The following CTNNA3 variants were observed in gnomAD, a reference collection of about 807,000 sequenced individuals.
CTNNA3 encodes the protein catenin alpha-3.
In CTNNA3, 76 loss-of-function variants were observed where a neutral mutation model predicts 95.7. That is an observed-to-expected ratio of 0.79 (90% CI 0.66 to 0.96). The LOEUF is 0.96. Ranked by LOEUF, CTNNA3 falls within the 40% of genes least tolerant of loss-of-function variation. CTNNA3 has a pLI of 0.00. For synonymous variants in CTNNA3, 431 were observed against 374.4 expected (o/e 1.15, Z -1.74); for missense variants, 1,191 against 1,089.8 (o/e 1.09, Z -1.31).
chr10:67,257,974 A>G (rs1866430654), intron 5 of CTNNA3, among the ~76,000 whole-genome samples: 3 of 152,218 alleles, frequency 2.0e-5, no homozygotes, highest in African/African-American at 7.2e-5. Context: ...TCATGAAATC[A>G]TTTATACTCC....
intron 5 of CTNNA3, among the ~76,000 whole-genome samples, chr10:67,333,392 G>A (rs1325778608): frequency 1.3e-5 from 2 of 152,058 alleles, no homozygotes; most frequent in African/African-American, 4.8e-5. Flanking sequence ...CAGTTACATT[G>A]GGATGCTAAG....
rs142835568 is a variant in CTNNA3, at chr10:66,827,495, G to C, written c.1048-51971C>G. Among the ~76,000 whole-genome samples the C allele has an allele frequency of 4.1e-3, 619 of 152,096 alleles. 5 individuals carry two copies. Among genetic ancestry groups the C allele is most frequent in the African/African-American group, 0.014 (560 of 41,450 alleles). On this transcript the variant is annotated intron_variant, in intron 7 of 17. Transcript: ENST00000433211. The stretch of plus-strand genomic sequence containing the variant: ...TTTATACCCAGCACATAGTAATATT[G>C]TCCTGCTATGCAATATAGTGGAAAA...
At chr10:66,446,735 T>A (rs1374395506) in intron 11 of CTNNA3, among the ~76,000 whole-genome samples, 2 of 151,758 alleles carry the variant, frequency 1.3e-5, no homozygotes, top group African/African-American at 2.4e-5. Flanking sequence ...ATGGGCAAAA[T>A]CTGGAAGCAT....
intron 13 of CTNNA3, among the ~76,000 whole-genome samples, chr10:66,184,160 G>A (rs1162279344): frequency 6.6e-6 from 1 of 151,970 alleles, no homozygotes; most frequent in African/African-American, 2.4e-5. Flanking sequence ...TTAGCTGGGC[G>A]CGGGGGTGGG....
chr10:66,385,491 C>A (rs562673314), intron 11 of CTNNA3, among the ~76,000 whole-genome samples: 1 of 152,268 alleles, frequency 6.6e-6, no homozygotes, highest in South Asian at 2.1e-4. Flanking sequence ...GAAGGATTCA[C>A]AGCCAAATTC....
intron 7 of CTNNA3, among the ~76,000 whole-genome samples, chr10:66,848,321 T>C (rs1843354335): frequency 6.6e-6 from 1 of 152,236 alleles, no homozygotes; most frequent in Admixed American, 6.5e-5. Context: ...TATAAGCATC[T>C]TTTAATTTGA....
At chr10:67,335,750 A>G (rs2620928) in intron 5 of CTNNA3, among the ~76,000 whole-genome samples, 115,178 of 152,178 alleles carry the variant, frequency 0.76, 45,839 homozygotes, top group Non-Finnish European at 0.88. Context: ...AGGTAAAGTT[A>G]GTTTTATTAC....
chr10:66,036,328 G>A (rs374805397), intron 15 of CTNNA3, among the ~76,000 whole-genome samples: 8 of 152,058 alleles, frequency 5.3e-5, no homozygotes, highest in African/African-American at 1.4e-4. Flanking sequence ...TCTAGACGGC[G>A]AAAACCATGC....
At chr10:66,593,884 C>G (rs914654719) in intron 10 of CTNNA3, among the ~76,000 whole-genome samples, 34 of 152,060 alleles carry the variant, frequency 2.2e-4, no homozygotes, top group Admixed American at 2.0e-3. Context: ...GAATTTTGAA[C>G]TAGGCCTCAT....
intron 9 of CTNNA3, among the ~76,000 whole-genome samples, chr10:66,705,413 T>C (rs1177342535): frequency 6.6e-6 from 1 of 151,990 alleles, no homozygotes; most frequent in African/African-American, 2.4e-5. Flanking sequence ...TTTTGAAAAA[T>C]AATTGTATAT....
At position 66,112,728 on chromosome 10, in the gene CTNNA3, C is replaced by A. The variant is rs140566099; in HGVS notation, c.1885-9479G>T. On this transcript the variant is annotated intron_variant, in intron 13 of 17. Transcript: ENST00000433211. Reference sequence around the variant, plus strand: ...TATAAGGCAAATCATGCAGTATTTGCCTTTCTGCTAATGGCTTACTTCACT... The same window carrying A: ...TATAAGGCAAATCATGCAGTATTTGACTTTCTGCTAATGGCTTACTTCACT... Among the ~76,000 whole-genome samples the A allele has an allele frequency of 2.9e-3, 442 of 152,168 alleles. 5 individuals are homozygous for A. Among genetic ancestry groups the A allele is most frequent in the African/African-American group, 9.6e-3 (399 of 41,532 alleles).
intron 13 of CTNNA3, among the ~76,000 whole-genome samples, chr10:66,142,549 T>G (rs2083673534): frequency 6.6e-6 from 1 of 152,104 alleles, no homozygotes; most frequent in Non-Finnish European, 1.5e-5. Context: ...TTTCTGAGAT[T>G]TTGATTGGGA....
chr10:66,367,246 C>A (rs1476116355), intron 12 of CTNNA3, among the ~76,000 whole-genome samples: 1 of 152,076 alleles, frequency 6.6e-6, no homozygotes, highest in Non-Finnish European at 1.5e-5. Flanking sequence ...ACTCTTGGTA[C>A]CAACAAGGTG....
intron 1 of CTNNA3, among the ~76,000 whole-genome samples, chr10:67,714,780 G>T (rs1045112190): frequency 2.6e-5 from 4 of 152,188 alleles, no homozygotes; most frequent in Admixed American, 6.5e-5. Context: ...TTGGTGAGAG[G>T]TAACTGAATC....
chr10:66,647,970 C>A (rs1845765296), intron 9 of CTNNA3, among the ~76,000 whole-genome samples: 1 of 152,060 alleles, frequency 6.6e-6, no homozygotes, highest in South Asian at 2.1e-4. Flanking sequence ...TTAAGTTGAA[C>A]CCTCCCTAGC....
chr10:67,457,106 G>T (rs1205303841), intron 5 of CTNNA3, among the ~76,000 whole-genome samples: 2 of 152,174 alleles, frequency 1.3e-5, no homozygotes, highest in African/African-American at 4.8e-5. Context: ...GCTAATATAA[G>T]AAATACTCTG....
chr10:66,679,812 A>G lies in CTNNA3; in HGVS notation c.1282-58028T>C, dbSNP rs191438841. Among the ~76,000 whole-genome samples the G allele has an allele frequency of 1.6e-3, 244 of 152,330 alleles. 2 individuals carry two copies. The highest frequency in any genetic ancestry group is 5.6e-3 in the African/African-American group (231 of 41,566). On this transcript the variant is annotated intron_variant, in intron 9 of 17. Transcript: ENST00000433211. ...CTTGATACCATTTACTGATCTCTGG[A>G]TCACACTCTGACACTACACTTTCAA...
chr10:67,074,342 CTTTTTTT>C (rs36186252), intron 7 of CTNNA3, among the ~76,000 whole-genome samples: 4 of 68,726 alleles, frequency 5.8e-5, no homozygotes, highest in Non-Finnish European at 1.0e-4. Flanking sequence ...CACTTTAACT[CTTTTTTT>C]TTTTTTTTTT....
chr10:67,228,106 T>C (rs1865012514), intron 5 of CTNNA3, among the ~76,000 whole-genome samples: 1 of 152,030 alleles, frequency 6.6e-6, no homozygotes, highest in African/African-American at 2.4e-5. Flanking sequence ...TCTACGGCTA[T>C]ACCTCAAGGA....
Sources: gnomAD v4.1 joint callset for allele counts (sites outside exome capture counted in the v4.1 genomes callset) on GRCh38, gnomAD v4.1.1 for gene constraint, MANE v1.5 for transcripts, NCBI Gene and HGNC (gene_info 2026-07-23, HGNC 2026-07-21) for gene names.